Variants in ITPR1 observed in about 807,000 individuals in gnomAD.
ITPR1 encodes the protein inositol 1,4,5-trisphosphate receptor type 1.
A neutral mutation model predicts 318.4 loss-of-function variants in ITPR1; 96 were observed. The observed-to-expected ratio is 0.30, with a 90% CI of 0.26 to 0.36. The LOEUF (loss-of-function observed/expected upper bound fraction) is 0.36. Ranked by LOEUF, ITPR1 falls within the 10% of genes least tolerant of loss-of-function variation. The probability of loss-of-function intolerance (pLI) is 1.00; values close to 1 mark genes in which losing one functional copy is unlikely to be tolerated. For missense variants in ITPR1, 2,440 were observed against 3,460.2 expected (o/e 0.71, Z 7.40); for synonymous variants, 1,312 against 1,289.9 (o/e 1.02, Z -0.37).
rs139958195 is a variant in ITPR1, at chr3:4,779,433, G to T, written c.6292-117G>T. 1.3e-4 allele frequency: 91 copies of T among 711,488 alleles called. No individual in the cohort carries two copies. The East Asian group carries it at 1.9e-3, about 15-fold the overall frequency. The allele number at this position is 711,488 out of a possible 1,614,324, so 44.1% of individuals were successfully genotyped here. On this transcript the variant is annotated intron_variant, in intron 48 of 61. Transcript: ENST00000649015. The surrounding 1 kb of genome is among the most constrained non-coding windows in gnomAD (Gnocchi z 4.0). ...TCCTTAACCCAGAGCTTCCTCATGGGGTGAAATGTTCGTCTGTTTAGCCGG... is the reference window on the plus strand; with the variant it reads ...TCCTTAACCCAGAGCTTCCTCATGGTGTGAAATGTTCGTCTGTTTAGCCGG...
intron 4 of ITPR1, among the ~76,000 whole-genome samples, chr3:4,585,401 G>T (rs966054573): frequency 1.3e-5 from 2 of 151,992 alleles, no homozygotes; most frequent in African/African-American, 4.8e-5. Context: ...TACTAATTAT[G>T]ATTACTACTA....
intron 60 of ITPR1, among the ~76,000 whole-genome samples, chr3:4,833,588 C>G (rs188870409): frequency 6.6e-6 from 1 of 152,352 alleles, no homozygotes; most frequent in East Asian, 1.9e-4. Context: ...CTCCTCTCCC[C>G]TGGTCTGGTA....
chr3:4,521,072 C>G lies in ITPR1; in HGVS notation c.141C>G (p.Asn47Lys), dbSNP rs370939479. The G allele has an allele frequency of 1.2e-6, 2 of 1,613,526 alleles. No homozygotes were observed. The highest frequency in any genetic ancestry group is 2.7e-5 in the African/African-American group (2 of 75,050). ...TACAGCCAGAAACCGGGGACCTTAA[C>G]AATCCACCTAAGAAATTCAGAGGTA... ...CVVQPETGDLNNPPKKFRDCL... is the reference protein window; with the variant it reads ...CVVQPETGDLKNPPKKFRDCL... The change falls in exon 4 of 62, where the codon AAC becomes AAG. Residue 47 changes from asparagine (N) to lysine (K), a missense_variant. This residue lies in a region of ITPR1 where 186 missense variants were observed against 323.9 expected (regional missense o/e 0.57). Transcript: ENST00000649015.
intron 4 of ITPR1, among the ~76,000 whole-genome samples, chr3:4,537,033 G>T (rs902406675): frequency 2.0e-5 from 3 of 152,142 alleles, no homozygotes; most frequent in African/African-American, 7.2e-5. Flanking sequence ...ACAGATTCAG[G>T]CATTTGAGTA....
intron 2 of ITPR1, among the ~76,000 whole-genome samples, chr3:4,499,018 T>C (rs1051690284): frequency 6.6e-6 from 1 of 152,244 alleles, no homozygotes; most frequent in East Asian, 1.9e-4. Flanking sequence ...TACATATTCA[T>C]GTAGCACACA....
chr3:4,712,573 G>A (rs913102569), intron 39 of ITPR1, among the ~76,000 whole-genome samples: 1 of 152,190 alleles, frequency 6.6e-6, no homozygotes, highest in African/African-American at 2.4e-5. Flanking sequence ...GCTACATTTA[G>A]CAACAATTTC....
chr3:4,639,901 A>G (rs2093298209), intron 6 of ITPR1, among the ~76,000 whole-genome samples: 1 of 152,264 alleles, frequency 6.6e-6, no homozygotes, highest in Non-Finnish European at 1.5e-5. Context: ...CTTTTTAAAT[A>G]AAAAATATTT....
At chr3:4,647,750 C>T (rs1048507017) in intron 10 of ITPR1, among the ~76,000 whole-genome samples, 19 of 152,116 alleles carry the variant, frequency 1.2e-4, no homozygotes, top group African/African-American at 4.6e-4. Context: ...GAGCATTTTT[C>T]TCATGTGCTT....
intron 25 of ITPR1, 66 bp downstream of exon 25, chr3:4,680,757 C>T: frequency 1.5e-6 from 2 of 1,376,254 alleles, no homozygotes; most frequent in Non-Finnish European, 9.9e-7. Context: ...ATGGGGAGAG[C>T]AAACAGTATC....
At chr3:4,687,636 A>G (rs2094416873) in intron 30 of ITPR1, among the ~76,000 whole-genome samples, 1 of 152,034 alleles carries the variant, frequency 6.6e-6, no homozygotes, top group Non-Finnish European at 1.5e-5. Context: ...TTCTGTTTTT[A>G]CTCTCTTAAA....
At chr3:4,615,568 G>A (rs776644304) in intron 4 of ITPR1, among the ~76,000 whole-genome samples, 5 of 151,972 alleles carry the variant, frequency 3.3e-5, no homozygotes, top group African/African-American at 4.8e-5. Context: ...TAGAGATGGT[G>A]TTTCACCATG....
intron 4 of ITPR1, among the ~76,000 whole-genome samples, chr3:4,583,601 A>G (rs956900101): frequency 6.6e-6 from 1 of 152,226 alleles, no homozygotes. Context: ...TAGTTTTAGG[A>G]AAGATACAGC....
intron 19 of ITPR1, among the ~76,000 whole-genome samples, chr3:4,670,160 G>C (rs1199788808): frequency 1.3e-5 from 2 of 152,146 alleles, no homozygotes; most frequent in Non-Finnish European, 2.9e-5. Context: ...TTACTGTTCA[G>C]AACATGTTTA....
intron 4 of ITPR1, among the ~76,000 whole-genome samples, chr3:4,532,266 T>C (rs1489783089): frequency 6.6e-6 from 1 of 152,236 alleles, no homozygotes; most frequent in Non-Finnish European, 1.5e-5. Flanking sequence ...GCTTCTGAGA[T>C]CTGACTGCGT....
chr3:4,825,631 C>T, intron 60 of ITPR1: 1 of 433,918 alleles, frequency 2.3e-6, no homozygotes, highest in Non-Finnish European at 4.6e-6. Flanking sequence ...GATAAGATGA[C>T]ACAGGAAGCA....
chr3:4,644,207 A>G lies in ITPR1; in HGVS notation c.597A>G (p.Gln199=), dbSNP rs2093402619. 4 of 1,609,576 alleles carry G rather than the reference A, an allele frequency of 2.5e-6. No homozygotes were observed. Among genetic ancestry groups the G allele is most frequent in the South Asian group, 2.2e-5 (2 of 89,708 alleles). The change falls in exon 8 of 62, where the codon CAA becomes CAG. Residue 199 remains glutamine, a synonymous_variant. Transcript: ENST00000649015. ...AGCCCCTACATGCTAGCAGCCATCA[A>G]CTGGTAGATAACCCAGGCTGCAATG... ...AGQPLHASSH[Q]LVDNPGCNEV...
At chr3:4,835,568 G>A (rs1176841467) in intron 60 of ITPR1, among the ~76,000 whole-genome samples, 1 of 150,932 alleles carries the variant, frequency 6.6e-6, no homozygotes, top group Non-Finnish European at 1.5e-5. Flanking sequence ...CCGAGTGAGT[G>A]TGTGTGTGTG....
chr3:4,828,205 C>A (rs1281901958), intron 60 of ITPR1, among the ~76,000 whole-genome samples: 1 of 152,156 alleles, frequency 6.6e-6, no homozygotes, highest in African/African-American at 2.4e-5. Context: ...TTAAAACAAA[C>A]ACAATGCATT....
intron 33 of ITPR1, among the ~76,000 whole-genome samples, chr3:4,696,100 A>G (rs997172934): frequency 2.0e-5 from 3 of 152,126 alleles, no homozygotes; most frequent in African/African-American, 7.2e-5. Flanking sequence ...TACCAGCTTA[A>G]TTTTTAGAAG....
Sources: gnomAD v4.1 joint callset for allele counts (sites outside exome capture counted in the v4.1 genomes callset) on GRCh38, gnomAD v4.1.1 for gene constraint, gnomAD v4.1.1 regional missense constraint, Gnocchi (gnomAD v3.1) non-coding constraint, MANE v1.5 for transcripts, NCBI Gene and HGNC (gene_info 2026-07-23, HGNC 2026-07-21) for gene names.